CDKL1: variants seen among roughly 807,000 people sequenced by gnomAD.
The protein encoded by CDKL1 is cyclin dependent kinase like 1.
A neutral mutation model predicts 42.0 loss-of-function variants in CDKL1; 41 were observed. The observed-to-expected ratio is 0.98, with a 90% CI of 0.76 to 1.27. The LOEUF is 1.27. Among genes scored for constraint, CDKL1 ranks in the 50% most tolerant of loss-of-function variants. CDKL1 has a pLI of 0.00. For missense variants in CDKL1, 394 were observed against 428.4 expected, an observed-to-expected ratio of 0.92 and a Z score of 0.71; for synonymous variants, 153 against 158.6, an observed-to-expected ratio of 0.96 and a Z score of 0.26.
chr14:50,345,086 A>G (rs749811350), intron 3 of CDKL1, 28 bp from the exon 4 acceptor site: 2 of 1,598,254 alleles, frequency 1.3e-6, no homozygotes, highest in Non-Finnish European at 1.7e-6. Context: ...GCACAAACAC[A>G]TTCTTTAGTG....
At chr14:50,371,087 C>G (rs754138589) in intron 2 of CDKL1, among the ~76,000 whole-genome samples, 1 of 152,176 alleles carries the variant, frequency 6.6e-6, no homozygotes, top group South Asian at 2.1e-4. Flanking sequence ...AGAATTTTCT[C>G]CTTTTTTAAG....
At chr14:50,397,005 C>T, upstream of CDKL1, 7 of 1,121,578 alleles carry the variant, frequency 6.2e-6, no homozygotes, top group Non-Finnish European at 8.1e-6. Context: ...GCCCTCCCGG[C>T]TGCAGGGAAA....
In CDKL1 at chr14:50,335,411, T is replaced by TAAAC. The variant is rs753224860; in HGVS notation, c.739-794_739-791dup. The TAAAC allele has an allele frequency of 6.5e-6, 9 of 1,384,352 alleles. No homozygotes were observed. In the East Asian group the frequency reaches 1.0e-4, roughly 16 times the overall value. The allele number at this position is 1,384,352 out of a possible 1,614,324, so 85.8% of individuals were successfully genotyped here. A position where few individuals can be genotyped will look rare whatever the true frequency, so the allele number is the denominator to read the frequency against. ...ACAGATGCTTCTTGATTTTCTGGAATAAACACTGTTGTCTCCTCCCACTAG... is the reference window on the plus strand; with the variant it reads ...ACAGATGCTTCTTGATTTTCTGGAATAAACAAACACTGTTGTCTCCTCCCACTAG... On this transcript the variant is annotated intron_variant, in intron 7 of 9. Coordinates refer to ENST00000395834, the MANE Select transcript of CDKL1 (RefSeq NM_004196.7).
chr14:50,384,932 A>G (rs2035028246), intron 2 of CDKL1, among the ~76,000 whole-genome samples: 1 of 151,830 alleles, frequency 6.6e-6, no homozygotes, highest in Non-Finnish European at 1.5e-5. Flanking sequence ...TTAGCCAGGC[A>G]TGATGGCAGG....
intron 4 of CDKL1, among the ~76,000 whole-genome samples, chr14:50,343,649 C>A (rs1437497528): frequency 2.0e-5 from 3 of 152,122 alleles, no homozygotes; most frequent in African/African-American, 7.2e-5. Flanking sequence ...CTGCACCCAC[C>A]CCCATCAGCA....
At chr14:50,335,359 A>G in intron 7 of CDKL1, 1 of 768,606 alleles carries the variant, frequency 1.3e-6, no homozygotes, top group South Asian at 1.7e-5. Flanking sequence ...GAGCTGCAAA[A>G]TAGATGTTTT....
intron 4 of CDKL1, 180 bp from the exon 5 acceptor site, chr14:50,342,402 A>G (rs1489338120): frequency 5.1e-6 from 7 of 1,363,128 alleles, no homozygotes; most frequent in Non-Finnish European, 4.7e-6. Context: ...AGCCTGAATC[A>G]TCCCAAATTC....
chr14:50,396,443 G>T, intron 1 of CDKL1, 114 bp from the exon 2 acceptor site: 1 of 985,328 alleles, frequency 1.0e-6, no homozygotes, highest in South Asian at 4.7e-5. Context: ...GATTTTAATC[G>T]CCCGTTAAAT....
At chr14:50,390,448 G>C (rs1239880041) in intron 2 of CDKL1, 1 of 1,257,314 alleles carries the variant, frequency 8.0e-7, no homozygotes, top group South Asian at 1.3e-5. Context: ...ATAGGGGCTT[G>C]GGGCCTTAGT....
intron 2 of CDKL1, among the ~76,000 whole-genome samples, chr14:50,366,942 G>A (rs2034451889): frequency 6.6e-6 from 1 of 152,192 alleles, no homozygotes; most frequent in Non-Finnish European, 1.5e-5. Context: ...CCAAAGTGGA[G>A]TTGTTATGTC....
upstream of CDKL1, chr14:50,397,011 G>T (rs778304807): frequency 2.8e-5 from 33 of 1,160,418 alleles, no homozygotes; most frequent in African/African-American, 4.8e-5. Flanking sequence ...CCGGCTGCAG[G>T]GAAAGGCCTC....
At chr14:50,364,640 A>C (rs1303948055) in intron 2 of CDKL1, among the ~76,000 whole-genome samples, 1 of 152,120 alleles carries the variant, frequency 6.6e-6, no homozygotes, top group Non-Finnish European at 1.5e-5. Context: ...AAATTAGGTA[A>C]GTTCTGTAGG....
Position 50,328,429 on chromosome 14 carries a change from T to A in CDKL1, c.*1645A>T, listed in dbSNP as rs988433895. On this transcript the variant is annotated 3_prime_UTR_variant, in exon 10 of 10. Coordinates refer to ENST00000395834, the MANE Select transcript of CDKL1 (RefSeq NM_004196.7). Reference sequence around the variant, plus strand: ...TTATTGAGTAGACACCAGACCTCAGTGGATTACTTAAGTAAATGGGGTCAG... The same window carrying A: ...TTATTGAGTAGACACCAGACCTCAGAGGATTACTTAAGTAAATGGGGTCAG... 6.6e-6 allele frequency: 1 copy of A among 152,072 alleles called. No homozygotes were observed. Among genetic ancestry groups the A allele is most frequent in the Non-Finnish European group, 1.5e-5 (1 of 68,018 alleles). The allele number at this position is 152,072 out of a possible 1,614,324, so 9.4% of individuals were successfully genotyped here.
chr14:50,361,605 C>A (rs561415286), intron 2 of CDKL1, among the ~76,000 whole-genome samples: 17 of 147,814 alleles, frequency 1.2e-4, no homozygotes, highest in African/African-American at 4.3e-4. Context: ...CAAGAGAGCA[C>A]CCCCCTCAAC....
At chr14:50,337,681 C>CTTTTTT (rs71118872) in intron 7 of CDKL1, among the ~76,000 whole-genome samples, 1 of 133,588 alleles carries the variant, frequency 7.5e-6, no homozygotes, top group Non-Finnish European at 1.6e-5. Context: ...TTTTTTCTTT[C>CTTTTTT]TTTTTTTTTT....
chr14:50,369,679 C>A (rs1255115797), intron 2 of CDKL1, among the ~76,000 whole-genome samples: 1 of 151,688 alleles, frequency 6.6e-6, no homozygotes, highest in Admixed American at 6.6e-5. Context: ...AGTGCAGTGG[C>A]ACGATCTCAG....
rs1034325117 is a variant in CDKL1, at chr14:50,329,826, T to C, written c.*248A>G. Reference sequence around the variant, plus strand: ...TTCATATTCTGTCCATAAGTTCGGCTACTTACATAAACTGAAATACAAGTG... The same window carrying C: ...TTCATATTCTGTCCATAAGTTCGGCCACTTACATAAACTGAAATACAAGTG... On this transcript the variant is annotated 3_prime_UTR_variant, in exon 10 of 10. Coordinates refer to ENST00000395834, the MANE Select transcript of CDKL1 (RefSeq NM_004196.7). 2.3e-6 allele frequency: 1 copy of C among 434,394 alleles called. No individual in the cohort carries two copies. The highest frequency in any genetic ancestry group is 4.1e-6 in the Non-Finnish European group (1 of 243,604). 26.9% of individuals were successfully genotyped at this position (434,394 alleles called of 1,614,324 possible). A position where few individuals can be genotyped will look rare whatever the true frequency, so the allele number is the denominator to read the frequency against.
At chr14:50,348,048 A>AT (rs2033784294) in intron 3 of CDKL1, among the ~76,000 whole-genome samples, 1 of 152,234 alleles carries the variant, frequency 6.6e-6, no homozygotes, top group Admixed American at 6.5e-5. Flanking sequence ...GAAGACTTCT[A>AT]AAGACAAAAC....
At chr14:50,369,134 T>G (rs935801957) in intron 2 of CDKL1, among the ~76,000 whole-genome samples, 1 of 152,062 alleles carries the variant, frequency 6.6e-6, no homozygotes. Context: ...CCCAAAGTGC[T>G]GAGATTATAG....
Sources: gnomAD v4.1 joint callset for allele counts (sites outside exome capture counted in the v4.1 genomes callset) on GRCh38, gnomAD v4.1.1 for gene constraint, MANE v1.5 for transcripts, NCBI Gene and HGNC (gene_info 2026-07-23, HGNC 2026-07-21) for gene names.